Variants in THSD7B observed in about 807,000 individuals in gnomAD.
THSD7B encodes thrombospondin type 1 domain containing 7B.
Under a neutral mutation model 213.6 loss-of-function variants are expected in THSD7B, and 138 were observed. The observed-to-expected ratio is 0.65, with a 90% confidence interval of 0.56 to 0.74. The LOEUF (loss-of-function observed/expected upper bound fraction) is 0.74, where lower values mean the gene tolerates loss of function less well. Among genes scored for constraint, THSD7B ranks in the 30% least tolerant of loss-of-function variants. THSD7B has a pLI of 0.00. For synonymous variants in THSD7B, 742 were observed against 687.0 expected, an observed-to-expected ratio of 1.08 and a Z score of -1.25; for missense variants, 1,931 against 1,991.5, an observed-to-expected ratio of 0.97 and a Z score of 0.58.
Position 137,232,879 on chromosome 2 carries a change from T to G in THSD7B, c.1916-20T>G. 2 of 1,608,194 alleles carry G rather than the reference T, an allele frequency of 1.2e-6. No individual in the cohort carries two copies. Among genetic ancestry groups the G allele is most frequent in the Non-Finnish European group, 1.7e-6 (2 of 1,174,950 alleles). ...GAACAGCAACCACTATGTATTACCTTTTGTTCTTATTTTTGGCAGGTGGAA... is the reference window on the plus strand; with the variant it reads ...GAACAGCAACCACTATGTATTACCTGTTGTTCTTATTTTTGGCAGGTGGAA... On this transcript the variant is annotated intron_variant, in intron 8 of 27. Transcript: ENST00000409968.
intron 7 of THSD7B, among the ~76,000 whole-genome samples, chr2:137,177,428 A>G (rs1033651277): frequency 6.6e-6 from 1 of 152,196 alleles, no homozygotes; most frequent in Non-Finnish European, 1.5e-5. Flanking sequence ...TTACTTGTAT[A>G]GGAAAATTGG....
intron 1 of THSD7B, among the ~76,000 whole-genome samples, chr2:136,853,241 T>A (rs1683128709): frequency 6.6e-6 from 1 of 152,196 alleles, no homozygotes; most frequent in African/African-American, 2.4e-5. Context: ...ATGTCTCTTA[T>A]TCCTTTGTGG....
chr2:137,372,109 T>C (rs1023646071), intron 12 of THSD7B, among the ~76,000 whole-genome samples: 3 of 152,142 alleles, frequency 2.0e-5, no homozygotes, highest in Admixed American at 1.3e-4. Context: ...AAGCTCCTCA[T>C]GTCAACATAG....
intron 2 of THSD7B, among the ~76,000 whole-genome samples, chr2:136,914,542 G>A (rs1386956000): frequency 2.6e-5 from 4 of 152,202 alleles, no homozygotes; most frequent in Admixed American, 1.3e-4. Flanking sequence ...TTTTGTGGGA[G>A]AGACCTGTTG....
intron 12 of THSD7B, among the ~76,000 whole-genome samples, chr2:137,384,243 T>G (rs1685843958): frequency 6.6e-6 from 1 of 152,216 alleles, no homozygotes; most frequent in South Asian, 2.1e-4. Flanking sequence ...AGTCACAGGC[T>G]TATCTGTCCT....
intron 7 of THSD7B, among the ~76,000 whole-genome samples, chr2:137,181,775 TG>T (rs754563191): frequency 1.3e-5 from 2 of 152,136 alleles, no homozygotes; most frequent in East Asian, 3.9e-4. Context: ...CTCATCATCA[TG>T]GCAAACAAAA....
At chr2:137,539,925 G>A (rs540642909) in intron 15 of THSD7B, among the ~76,000 whole-genome samples, 3 of 151,686 alleles carry the variant, frequency 2.0e-5, no homozygotes, top group Admixed American at 2.0e-4. Flanking sequence ...TTATTGATTA[G>A]TATATATTAT....
intron 21 of THSD7B, among the ~76,000 whole-genome samples, chr2:137,643,949 C>T (rs72844563): frequency 0.075 from 11,429 of 152,158 alleles, 598 homozygotes; most frequent in Non-Finnish European, 0.11. Flanking sequence ...GGCAAGTCTA[C>T]CAACTTGTTC....
chr2:136,869,121 A>C (rs1297378417), intron 1 of THSD7B, among the ~76,000 whole-genome samples: 1 of 152,176 alleles, frequency 6.6e-6, no homozygotes, highest in Admixed American at 6.5e-5. Context: ...CCACTTGAGT[A>C]GATTTAAAGT....
chr2:137,431,211 C>T (rs559084635), intron 14 of THSD7B, among the ~76,000 whole-genome samples: 1 of 152,184 alleles, frequency 6.6e-6, no homozygotes, highest in African/African-American at 2.4e-5. Context: ...AGTGAGACAA[C>T]TCAAAGCAGG....
At chr2:136,816,993 G>C (rs1573651967) in intron 1 of THSD7B, among the ~76,000 whole-genome samples, 1 of 152,246 alleles carries the variant, frequency 6.6e-6, no homozygotes, top group South Asian at 2.1e-4. Context: ...CTCTCCATTT[G>C]CATTTAGGCA....
chr2:137,118,527 T>G (rs1688484531), intron 5 of THSD7B, among the ~76,000 whole-genome samples: 2 of 152,146 alleles, frequency 1.3e-5, no homozygotes, highest in Admixed American at 6.6e-5. Flanking sequence ...AAATTTTTGG[T>G]GTGGTTGTAG....
intron 5 of THSD7B, among the ~76,000 whole-genome samples, chr2:137,159,506 G>A (rs539678922): frequency 1.3e-5 from 2 of 151,980 alleles, no homozygotes; most frequent in African/African-American, 4.8e-5. Flanking sequence ...TGCATACAGA[G>A]GACACATGGT....
At chr2:137,274,265 G>T (rs1253124166) in intron 11 of THSD7B, among the ~76,000 whole-genome samples, 1 of 152,072 alleles carries the variant, frequency 6.6e-6, no homozygotes, top group Non-Finnish European at 1.5e-5. Context: ...GGAGGAAGTT[G>T]TCTTAGGAAG....
intron 15 of THSD7B, among the ~76,000 whole-genome samples, chr2:137,502,757 GA>G (rs1256203196): frequency 6.6e-6 from 1 of 152,098 alleles, no homozygotes; most frequent in Non-Finnish European, 1.5e-5. Context: ...CTCTTACTTT[GA>G]AAACTACTTC....
At chr2:136,992,178 G>A (rs556155882) in intron 2 of THSD7B, among the ~76,000 whole-genome samples, 1 of 152,286 alleles carries the variant, frequency 6.6e-6, no homozygotes, top group East Asian at 1.9e-4. Flanking sequence ...TAAAAAGCCT[G>A]ACTAAACTGT....
chr2:137,626,551 T>C (rs1682636176), intron 20 of THSD7B, among the ~76,000 whole-genome samples: 1 of 152,204 alleles, frequency 6.6e-6, no homozygotes, highest in Admixed American at 6.5e-5. Context: ...GGCTCTCTTT[T>C]AGCCATGCTA....
intron 3 of THSD7B, among the ~76,000 whole-genome samples, chr2:137,073,588 G>A (rs1294394706): frequency 1.3e-5 from 2 of 152,134 alleles, no homozygotes; most frequent in Non-Finnish European, 2.9e-5. Flanking sequence ...ATCTCCTTCA[G>A]TTCTGCTCTG....
chr2:137,073,964 T>A (rs1195043857), intron 3 of THSD7B, among the ~76,000 whole-genome samples: 2 of 152,160 alleles, frequency 1.3e-5, no homozygotes, highest in East Asian at 3.8e-4. Flanking sequence ...TTGTTATAAT[T>A]TCTGTTCTTT....
Sources: allele counts gnomAD v4.1 joint callset (sites outside exome capture counted in the v4.1 genomes callset), GRCh38; gene constraint gnomAD v4.1.1; transcripts MANE v1.5; gene names NCBI Gene and HGNC (gene_info 2026-07-23, HGNC 2026-07-21).